The following MATCAP2 variants were observed in gnomAD, a reference collection of about 807,000 sequenced individuals.
The protein encoded by MATCAP2 is putative tyrosine carboxypeptidase MATCAP2.
chr7:36,327,328 T>C, the MATCAP2 span, among the ~76,000 whole-genome samples: 4 of 152,092 alleles, frequency 2.6e-5, no homozygotes, highest in Admixed American at 2.6e-4. Context: ...TTAGTAGAGA[T>C]GATGTTTCAT....
the MATCAP2 span, among the ~76,000 whole-genome samples, chr7:36,361,278 G>A: frequency 6.6e-6 from 1 of 152,102 alleles, no homozygotes; most frequent in Non-Finnish European, 1.5e-5. Flanking sequence ...AAAAGAATGG[G>A]GGAAAAGGGA....
At chr7:36,390,183 G>A in the MATCAP2 span, 2 of 1,464,042 alleles carry the variant, frequency 1.4e-6, no homozygotes, top group Non-Finnish European at 9.3e-7. Flanking sequence ...GCGGGCCGGG[G>A]TCGCCGCGGC....
the MATCAP2 span, among the ~76,000 whole-genome samples, chr7:36,370,509 G>A: frequency 6.6e-5 from 10 of 151,852 alleles, no homozygotes; most frequent in South Asian, 2.1e-4. Flanking sequence ...ATGGAGTTTC[G>A]CTCTTTTTTT....
chr7:36,360,515 A>G, the MATCAP2 span, among the ~76,000 whole-genome samples: 3 of 152,178 alleles, frequency 2.0e-5, no homozygotes, highest in Non-Finnish European at 4.4e-5. Flanking sequence ...TTAATGGTCT[A>G]TTTATTTTAC....
At chr7:36,348,958 TAAGAAAAACA>T in the MATCAP2 span, among the ~76,000 whole-genome samples, 5 of 152,120 alleles carry the variant, frequency 3.3e-5, no homozygotes, top group East Asian at 1.9e-4. Flanking sequence ...ATAGCTGAAA[TAAGAAAAACA>T]AAGAAAAACA....
At chr7:36,333,846 G>C in the MATCAP2 span, 1,327 of 1,584,038 alleles carry the variant, frequency 8.4e-4, 5 homozygotes, top group East Asian at 6.9e-3. Flanking sequence ...TAGAGTTAAG[G>C]GACACCCACC....
the MATCAP2 span, chr7:36,333,828 A>G: frequency 7.2e-6 from 11 of 1,536,236 alleles, no homozygotes; most frequent in Non-Finnish European, 9.7e-6. Context: ...TCAGTAAGTC[A>G]GAAAACCTAG....
chr7:36,325,849 C>A, the MATCAP2 span: 1 of 151,906 alleles, frequency 6.6e-6, no homozygotes, highest in East Asian at 1.9e-4. Context: ...CCAGAAATTT[C>A]TTTTTTCAGA....
At chr7:36,336,056 G>C in the MATCAP2 span, 271 of 907,676 alleles carry the variant, frequency 3.0e-4, 7 homozygotes, top group South Asian at 8.0e-3. Flanking sequence ...GGGCAACAGA[G>C]CGAGACTCCA....
the MATCAP2 span, chr7:36,334,270 C>T: frequency 2.2e-6 from 2 of 902,020 alleles, no homozygotes; most frequent in Admixed American, 2.5e-5. Context: ...GGCGCGGTGG[C>T]TCATGCCTGT....
At chr7:36,370,853 T>A in the MATCAP2 span, among the ~76,000 whole-genome samples, 2 of 152,226 alleles carry the variant, frequency 1.3e-5, no homozygotes, top group Non-Finnish European at 2.9e-5. Context: ...TTTATTAAAC[T>A]TAAATTTTTC....
the MATCAP2 span, chr7:36,367,033 G>A: frequency 7.8e-7 from 1 of 1,276,918 alleles, no homozygotes; most frequent in Non-Finnish European, 9.8e-7. Context: ...CCCGGGCCTC[G>A]GTGGCGGGGG....
chr7:36,373,836 G>C, the MATCAP2 span, among the ~76,000 whole-genome samples: 2 of 151,634 alleles, frequency 1.3e-5, no homozygotes, highest in Non-Finnish European at 2.9e-5. Flanking sequence ...CCAGGCTGGA[G>C]TGCAGTGGCA....
chr7:36,382,906 C>T, the MATCAP2 span, among the ~76,000 whole-genome samples: 2 of 152,056 alleles, frequency 1.3e-5, no homozygotes, highest in Non-Finnish European at 2.9e-5. Context: ...TTACTGTGGT[C>T]CTTTAAATAT....
the MATCAP2 span, among the ~76,000 whole-genome samples, chr7:36,386,167 A>G: frequency 2.0e-5 from 3 of 152,310 alleles, 1 homozygote; most frequent in South Asian, 6.2e-4. Flanking sequence ...GAAAAAAAAA[A>G]AGAAAAGTTG....
At chr7:36,365,428 A>C in the MATCAP2 span, among the ~76,000 whole-genome samples, 1 of 152,228 alleles carries the variant, frequency 6.6e-6, no homozygotes, top group African/African-American at 2.4e-5. Context: ...GGCTGGGCAC[A>C]GTGGTTCATG....
the MATCAP2 span, among the ~76,000 whole-genome samples, chr7:36,330,522 A>C: frequency 6.6e-6 from 1 of 152,270 alleles, no homozygotes; most frequent in Non-Finnish European, 1.5e-5. Flanking sequence ...ATCTCAGATC[A>C]CAAAAAAGGA....
At chr7:36,341,009 A>G in the MATCAP2 span, among the ~76,000 whole-genome samples, 25 of 152,220 alleles carry the variant, frequency 1.6e-4, no homozygotes, top group Admixed American at 1.6e-3. Flanking sequence ...GATGGGTTAC[A>G]CTGATGTTTA....
chr7:36,329,790 A>G, the MATCAP2 span, among the ~76,000 whole-genome samples: 1 of 152,218 alleles, frequency 6.6e-6, no homozygotes, highest in Non-Finnish European at 1.5e-5. Flanking sequence ...TACTAATACA[A>G]TGGGGGAAAG....
Sources: allele counts gnomAD v4.1 joint callset (sites outside exome capture counted in the v4.1 genomes callset), GRCh38; gene constraint gnomAD v4.1.1; transcripts MANE v1.5; gene names NCBI Gene and HGNC (gene_info 2026-07-23, HGNC 2026-07-21).